The following RBFOX1 variants were observed in gnomAD, a reference collection of about 807,000 sequenced individuals.
The protein encoded by RBFOX1 is RNA binding protein fox-1 homolog 1.
Under a neutral mutation model 57.7 loss-of-function variants are expected in RBFOX1, and 8 were observed. The observed-to-expected ratio is 0.14, with a 90% CI of 0.08 to 0.25. RBFOX1 has a LOEUF of 0.25. RBFOX1 is among the 10% of genes least tolerant of loss of function. RBFOX1 has a pLI of 1.00. For synonymous variants in RBFOX1, 326 were observed against 222.4 expected (o/e 1.47, Z -4.15); for missense variants, 611 against 548.5 (o/e 1.11, Z -1.14).
At chr16:6,763,180 C>A (rs967646676) in intron 3 of RBFOX1, among the ~76,000 whole-genome samples, 1 of 152,126 alleles carries the variant, frequency 6.6e-6, no homozygotes, top group Non-Finnish European at 1.5e-5. Context: ...TAACCTAATG[C>A]CTTCAGCTCA....
intron 3 of RBFOX1, among the ~76,000 whole-genome samples, chr16:6,731,711 C>T (rs545043523): frequency 2.1e-4 from 32 of 152,216 alleles, no homozygotes; most frequent in African/African-American, 7.2e-4. Context: ...TGACTAGGCT[C>T]ATTGTATATC....
chr16:6,932,911 C>T (rs2076790822), intron 3 of RBFOX1, among the ~76,000 whole-genome samples: 1 of 152,176 alleles, frequency 6.6e-6, no homozygotes. Context: ...ATGTCTTCCC[C>T]CAGCCCCTGG....
intron 2 of RBFOX1, among the ~76,000 whole-genome samples, chr16:5,581,976 A>G (rs2046682395): frequency 6.6e-6 from 1 of 152,262 alleles, no homozygotes; most frequent in Admixed American, 6.5e-5. Flanking sequence ...GGGTTTATGC[A>G]CAATGCAGGA....
At chr16:7,383,865 G>A (rs898894864) in intron 4 of RBFOX1, among the ~76,000 whole-genome samples, 2 of 152,010 alleles carry the variant, frequency 1.3e-5, no homozygotes, top group East Asian at 3.9e-4. Context: ...GACTATCCTG[G>A]CTAACATGGT....
At chr16:6,632,445 G>C (rs190304207) in intron 2 of RBFOX1, among the ~76,000 whole-genome samples, 29 of 152,310 alleles carry the variant, frequency 1.9e-4, no homozygotes, top group African/African-American at 6.5e-4. Flanking sequence ...TGATATTCCT[G>C]TGGTTATGAG....
intron 1 of RBFOX1, among the ~76,000 whole-genome samples, chr16:6,246,828 G>C (rs2097571801): frequency 6.6e-6 from 1 of 152,174 alleles, no homozygotes; most frequent in Admixed American, 6.5e-5. Context: ...CAGCACTTTA[G>C]ATGGCTGAGG....
chr16:6,897,955 C>T (rs1372945184), intron 3 of RBFOX1, among the ~76,000 whole-genome samples: 1 of 152,158 alleles, frequency 6.6e-6, no homozygotes, highest in East Asian at 1.9e-4. Flanking sequence ...GGTCGGATCC[C>T]TGTGTTATAG....
intron 4 of RBFOX1, among the ~76,000 whole-genome samples, chr16:7,245,421 G>A (rs1922582): frequency 0.44 from 66,310 of 151,684 alleles, 14,871 homozygotes; most frequent in Middle Eastern, 0.53. Context: ...CTATCAACCC[G>A]TCACCTAGTA....
chr16:6,037,812 C>T (rs1307521357), intron 1 of RBFOX1: 1 of 152,142 alleles, frequency 6.6e-6, no homozygotes, highest in African/African-American at 2.4e-5. Context: ...CCAGGCTGGT[C>T]TCAAACTCCT....
intron 2 of RBFOX1, among the ~76,000 whole-genome samples, chr16:6,572,063 A>C (rs1265932051): frequency 6.6e-6 from 1 of 152,204 alleles, no homozygotes; most frequent in East Asian, 1.9e-4. Context: ...AATAATAAAA[A>C]GTGGATTTTT....
chr16:6,302,605 T>C lies in RBFOX1; in HGVS notation c.-126-14390T>C, dbSNP rs28756036. ...GAACCATATGTACACTTTTGAGGTA[T>C]CTTTGCTCTTAAGCTTGTTGATTTT... On this transcript the variant is annotated intron_variant, in intron 1 of 15. Coordinates refer to ENST00000550418, the MANE Select transcript of RBFOX1 (RefSeq NM_018723.4). Among the ~76,000 whole-genome samples, 1,076 of 152,292 alleles carry C rather than the reference T, an allele frequency of 7.1e-3. 19 individuals are homozygous for C. Among genetic ancestry groups the C allele is most frequent in the African/African-American group, 0.024 (998 of 41,570 alleles).
intron 3 of RBFOX1, chr16:5,632,472 C>T (rs1405252157): frequency 2.0e-5 from 3 of 152,192 alleles, no homozygotes; most frequent in East Asian, 3.8e-4. Flanking sequence ...CAGCTCAGTA[C>T]ATGAGAGCCA....
intron 3 of RBFOX1, among the ~76,000 whole-genome samples, chr16:7,024,517 C>T (rs564311634): frequency 2.6e-5 from 4 of 152,110 alleles, no homozygotes; most frequent in African/African-American, 4.8e-5. Context: ...GGCCCTTGTG[C>T]AAAAATTCTT....
chr16:6,086,954 G>T (rs1158445443), intron 1 of RBFOX1, among the ~76,000 whole-genome samples: 3 of 152,170 alleles, frequency 2.0e-5, no homozygotes, highest in African/African-American at 7.2e-5. Context: ...ACACAGAGCT[G>T]GCAACTGAGT....
intron 4 of RBFOX1, among the ~76,000 whole-genome samples, chr16:7,368,316 G>A (rs926710677): frequency 2.6e-5 from 4 of 151,234 alleles, no homozygotes; most frequent in African/African-American, 9.7e-5. Context: ...TTTCAAATTA[G>A]TGTTTGATAG....
intron 4 of RBFOX1, among the ~76,000 whole-genome samples, chr16:7,244,718 G>T (rs1785922610): frequency 6.6e-6 from 1 of 152,154 alleles, no homozygotes; most frequent in South Asian, 2.1e-4. Context: ...TTCCAATATT[G>T]TGTAGTGTGT....
At chr16:7,037,063 G>A (rs1334925238) in intron 3 of RBFOX1, among the ~76,000 whole-genome samples, 5 of 152,124 alleles carry the variant, frequency 3.3e-5, no homozygotes, top group Non-Finnish European at 5.9e-5. Context: ...GGTCACCTTC[G>A]TCACCATCTT....
At chr16:5,925,592 T>G (rs1412065723) in intron 4 of RBFOX1, among the ~76,000 whole-genome samples, 1 of 152,214 alleles carries the variant, frequency 6.6e-6, no homozygotes, top group African/African-American at 2.4e-5. Flanking sequence ...ATTGTGAATG[T>G]ACTAAATGCC....
In RBFOX1 at chr16:6,390,602, T is replaced by A. The variant is rs576842163; in HGVS notation, c.-64+73545T>A. ...CATATCAGATAGTTATGATTTAAAT[T>A]AAATAAAATAAACTATGAATTAAAA... is the stretch of plus-strand genomic sequence containing the variant. On this transcript the variant is annotated intron_variant, in intron 2 of 15. Coordinates refer to ENST00000550418, the MANE Select transcript of RBFOX1 (RefSeq NM_018723.4). Among the ~76,000 whole-genome samples the A allele has an allele frequency of 5.6e-4, 85 of 152,174 alleles. No individual in the cohort carries two copies. In the South Asian group the frequency reaches 0.012, roughly 22 times the overall value.
Sources: gnomAD v4.1 joint callset for allele counts (sites outside exome capture counted in the v4.1 genomes callset) on GRCh38, gnomAD v4.1.1 for gene constraint, MANE v1.5 for transcripts, NCBI Gene and HGNC (gene_info 2026-07-23, HGNC 2026-07-21) for gene names.